ADAM32: variants seen among roughly 807,000 people sequenced by gnomAD.
The protein encoded by ADAM32 is ADAM metallopeptidase domain 32.
In ADAM32, 89 loss-of-function variants were observed where a neutral mutation model predicts 114.9. The observed-to-expected ratio is 0.77, with a 90% confidence interval of 0.65 to 0.92. The LOEUF is 0.92. Among genes scored for constraint, ADAM32 ranks in the 40% least tolerant of loss-of-function variants. The probability of loss-of-function intolerance (pLI) is 0.00; values close to 1 mark genes in which losing one functional copy is unlikely to be tolerated. For synonymous variants in ADAM32, 285 were observed against 307.5 expected (o/e 0.93, Z 0.77); for missense variants, 870 against 932.8 (o/e 0.93, Z 0.88).
At chr8:39,143,403 TC>T (rs1803298364) in intron 3 of ADAM32, among the ~76,000 whole-genome samples, 1 of 152,194 alleles carries the variant, frequency 6.6e-6, no homozygotes, top group African/African-American at 2.4e-5. Flanking sequence ...GGTGTGGATG[TC>T]CTTTTTGTTT....
chr8:39,157,482 TCAGTGTCAGATAAC>T, intron 6 of ADAM32: 2 of 369,350 alleles, frequency 5.4e-6, no homozygotes, highest in Non-Finnish European at 1.0e-5. Flanking sequence ...TCTTTTTTTT[TCAGTGTCAGATAAC>T]TTTTATTGAG....
chr8:39,267,805 C>T (rs577271743), intron 19 of ADAM32, among the ~76,000 whole-genome samples: 13 of 152,244 alleles, frequency 8.5e-5, no homozygotes, highest in Non-Finnish European at 1.3e-4. Context: ...TGCAGGAATG[C>T]GGTTACACTG....
chr8:39,236,019 GTAT>G (rs1046908734), intron 16 of ADAM32, among the ~76,000 whole-genome samples: 41 of 152,212 alleles, frequency 2.7e-4, no homozygotes, highest in African/African-American at 8.2e-4. Flanking sequence ...TTTTAAAAAA[GTAT>G]TATTGTACTC....
intron 1 of ADAM32, among the ~76,000 whole-genome samples, chr8:39,110,290 C>T (rs963480675): frequency 3.9e-5 from 6 of 152,120 alleles, no homozygotes; most frequent in African/African-American, 9.7e-5. Flanking sequence ...AGGCTGGTTT[C>T]GAACTCCTGA....
intron 11 of ADAM32, among the ~76,000 whole-genome samples, chr8:39,187,462 C>T (rs886923455): frequency 2.6e-5 from 4 of 151,948 alleles, no homozygotes; most frequent in Admixed American, 1.3e-4. Flanking sequence ...TAGTAGAGAC[C>T]GGGTTTCACC....
At chr8:39,214,716 C>T (rs1032362734) in intron 12 of ADAM32, among the ~76,000 whole-genome samples, 8 of 151,826 alleles carry the variant, frequency 5.3e-5, no homozygotes, top group African/African-American at 1.9e-4. Context: ...ATTCATGTTT[C>T]GTTTGGTTTT....
chr8:39,144,883 G>A (rs1181675486), intron 3 of ADAM32, among the ~76,000 whole-genome samples: 1 of 152,110 alleles, frequency 6.6e-6, no homozygotes, highest in Non-Finnish European at 1.5e-5. Flanking sequence ...CCTGTTGCAG[G>A]TGACATGATC....
intron 12 of ADAM32, among the ~76,000 whole-genome samples, chr8:39,219,780 T>C (rs1431542646): frequency 2.0e-5 from 3 of 152,244 alleles, no homozygotes; most frequent in Non-Finnish European, 4.4e-5. Context: ...TGATTTCTAT[T>C]TTTATTTCAC....
chr8:39,220,713 G>C (rs996382847), intron 12 of ADAM32, among the ~76,000 whole-genome samples: 2 of 151,932 alleles, frequency 1.3e-5, no homozygotes, highest in African/African-American at 4.8e-5. Flanking sequence ...CTGTGTGCTT[G>C]TGTAGTTTTC....
intron 19 of ADAM32, among the ~76,000 whole-genome samples, chr8:39,269,654 G>T (rs1404707089): frequency 2.6e-5 from 4 of 152,118 alleles, no homozygotes; most frequent in South Asian, 4.1e-4. Context: ...TGTAGCTCTT[G>T]CTGCGTGAAT....
At chr8:39,246,794 A>G (rs1810957057) in intron 17 of ADAM32, among the ~76,000 whole-genome samples, 1 of 152,212 alleles carries the variant, frequency 6.6e-6, no homozygotes, top group Non-Finnish European at 1.5e-5. Flanking sequence ...ATATAGATCC[A>G]TCATTATGAT....
rs566781349 is a variant in ADAM32 at position 39,173,432 on chromosome 8, GT to G, written c.915+3446del. Among the ~76,000 whole-genome samples, 374 of 146,672 alleles carry G rather than the reference GT, an allele frequency of 2.5e-3. 7 individuals carry two copies. The highest frequency in any genetic ancestry group is 4.3e-3 in the Non-Finnish European group (282 of 66,282). ...TTTCTTTAATGATCAGTGCTGTTGA[GT>G]TTTTTTTTTTCATGTTTTTTGCCCA... On this transcript the variant is annotated intron_variant, in intron 10 of 24. Coordinates refer to ENST00000379907, the MANE Select transcript of ADAM32 (RefSeq NM_145004.7).
chr8:39,109,691 C>G (rs941699216), intron 1 of ADAM32, among the ~76,000 whole-genome samples: 4 of 152,272 alleles, frequency 2.6e-5, no homozygotes, highest in African/African-American at 9.6e-5. Flanking sequence ...CATCTGGCAC[C>G]ATGGGATCCA....
rs1290079613 is a variant in ADAM32 at position 39,246,141 on chromosome 8, G to A, written c.1877G>A (p.Cys626Tyr). The part of the protein sequence containing the change: ...SRIIKASAHV[C>Y]SQQCSGHGVC... ...ATAATTAAGGCTTCAGCACATGTTT[G>A]TTCACAACAGTGTTCTGGACATGGA... Residue 626 changes from cysteine (C) to tyrosine (Y), a missense_variant, in exon 17 of 25, where the codon TGT becomes TAT. Cys to Tyr is a radical substitution (Grantham distance 194, BLOSUM62 -2). Transcript: ENST00000379907. The A allele has an allele frequency of 1.2e-6, 2 of 1,613,408 alleles. No homozygotes were observed. The highest frequency in any genetic ancestry group is 1.1e-5 in the South Asian group (1 of 91,052).
intron 2 of ADAM32, among the ~76,000 whole-genome samples, chr8:39,132,642 G>C (rs1182021107): frequency 6.6e-6 from 1 of 152,208 alleles, no homozygotes; most frequent in East Asian, 1.9e-4. Context: ...ACCATCTGGT[G>C]TTATTTCCTA....
At chr8:39,189,959 C>T (rs552420031) in intron 11 of ADAM32, among the ~76,000 whole-genome samples, 2 of 152,260 alleles carry the variant, frequency 1.3e-5, no homozygotes, top group Admixed American at 6.5e-5. Flanking sequence ...GAACTATAGG[C>T]GCCAGCCACC....
At chr8:39,224,281 G>A (rs1585581386) in intron 14 of ADAM32, 1 of 152,190 alleles carries the variant, frequency 6.6e-6, no homozygotes, top group African/African-American at 2.4e-5. Flanking sequence ...CATTTCCTTT[G>A]AATCTATACT....
At chr8:39,280,642 A>G (rs1813362844) in intron 22 of ADAM32, among the ~76,000 whole-genome samples, 1 of 152,214 alleles carries the variant, frequency 6.6e-6, no homozygotes, top group Non-Finnish European at 1.5e-5. Flanking sequence ...GTAAAAAAGA[A>G]TGCTATTTAT....
At chr8:39,258,608 A>C (rs1043387939) in intron 19 of ADAM32, among the ~76,000 whole-genome samples, 5 of 152,100 alleles carry the variant, frequency 3.3e-5, no homozygotes, top group Non-Finnish European at 5.9e-5. Flanking sequence ...GGTTCTCTTA[A>C]ATGTTGGAAC....
Sources: allele counts gnomAD v4.1 joint callset (sites outside exome capture counted in the v4.1 genomes callset), GRCh38; gene constraint gnomAD v4.1.1; transcripts MANE v1.5; gene names NCBI Gene and HGNC (gene_info 2026-07-23, HGNC 2026-07-21).